The following RPS6KB2 variants were observed in gnomAD, a reference collection of about 807,000 sequenced individuals.
The protein encoded by RPS6KB2 is ribosomal protein S6 kinase beta-2.
Under a neutral mutation model 58.2 loss-of-function variants are expected in RPS6KB2, and 51 were observed. The observed-to-expected ratio is 0.88, with a 90% CI of 0.70 to 1.11. The LOEUF is 1.11. Among genes scored for constraint, RPS6KB2 ranks in the 50% least tolerant of loss-of-function variants. RPS6KB2 has a pLI of 0.00. For missense variants in RPS6KB2, 671 were observed against 655.8 expected, an observed-to-expected ratio of 1.02 and a Z score of -0.25; for synonymous variants, 293 against 258.6, an observed-to-expected ratio of 1.13 and a Z score of -1.28.
intron 10 of RPS6KB2, 44 bp downstream of exon 10, chr11:67,433,491 T>A (rs765564524): frequency 7.0e-7 from 1 of 1,434,482 alleles, no homozygotes; most frequent in South Asian, 1.1e-5. Context: ...CCAGCCATTC[T>A]GCACGTGTTC....
chr11:67,432,773 T>C lies in RPS6KB2; in HGVS notation c.552T>C (p.His184=), dbSNP rs1864076291. The change falls in exon 7 of 15, where the codon CAT becomes CAC. Residue 184 remains histidine (H), a synonymous_variant. Coordinates refer to ENST00000312629, the MANE Select transcript of RPS6KB2 (RefSeq NM_003952.3). ...CTGAGATCACGCTGGCCCTGGGCCA[T>C]CTCCACTCCCAGGGCATCATCTACC... The part of the protein sequence containing the change: ...YLAEITLALG[H]LHSQGIIYRD... The C allele has an allele frequency of 1.2e-6, 2 of 1,613,916 alleles. No homozygotes were observed. The highest frequency in any genetic ancestry group is 1.3e-5 in the African/African-American group (1 of 74,866).
chr11:67,431,589 G>A, intron 5 of RPS6KB2, 74 bp downstream of exon 5: 1 of 1,504,040 alleles, frequency 6.6e-7, no homozygotes, highest in Non-Finnish European at 9.1e-7. Flanking sequence ...AGCTCTGGGG[G>A]GAAGCTCTTG....
chr11:67,434,123 C>T, intron 11 of RPS6KB2, 66 bp downstream of exon 11: 1 of 1,611,722 alleles, frequency 6.2e-7, no homozygotes, highest in East Asian at 2.2e-5. Context: ...GGGGGCAGGG[C>T]CCCAGGGCAG....
chr11:67,435,125 G>C lies in RPS6KB2; in HGVS notation c.1405G>C (p.Gly469Arg). 2 of 1,603,250 alleles carry C rather than the reference G, an allele frequency of 1.2e-6. No homozygotes were observed. Among genetic ancestry groups the C allele is most frequent in the Non-Finnish European group, 1.7e-6 (2 of 1,177,852 alleles). ...CCCTCTCCCCATCCGTCCCCCCTCA[G>C]GGACCAAGAAGTCCAAGAGGGGCCG... is the stretch of plus-strand genomic sequence containing the variant. The part of the protein sequence containing the change: ...TAPLPIRPPS[G>R]TKKSKRGRGR... Residue 469 changes from glycine (G) to arginine (R), a missense_variant, in exon 15 of 15, where the codon GGG becomes CGG. Physicochemically the swap from Gly to Arg is moderately radical, Grantham distance 125. Transcript: ENST00000312629.
In RPS6KB2 at chr11:67,434,494, G is replaced by A; in HGVS notation, c.1155+10G>A. On this transcript the variant is annotated intron_variant, in intron 13 of 14. Coordinates refer to ENST00000312629, the MANE Select transcript of RPS6KB2 (RefSeq NM_003952.3). The stretch of plus-strand genomic sequence containing the variant: ...CAACCAGGCCTTCCTGGTGAGTGCG[G>A]GGGCCTGAGGCCTGTGGGACCAGGG... 2 of 1,607,896 alleles carry A rather than the reference G, an allele frequency of 1.2e-6. No individual in the cohort carries two copies. The highest frequency in any genetic ancestry group is 1.7e-6 in the Non-Finnish European group (2 of 1,176,818).
In RPS6KB2 at chr11:67,434,785, C is replaced by T. The variant is rs574642011; in HGVS notation, c.1268+91C>T. ...CCTTGGGTGCCTTGGCCACGTCTGT[C>T]GGCCAGTGTTGGCTTCGGTTGCTGT... On this transcript the variant is annotated intron_variant, in intron 14 of 14. Coordinates refer to ENST00000312629, the MANE Select transcript of RPS6KB2 (RefSeq NM_003952.3). 9.9e-5 allele frequency: 112 copies of T among 1,129,452 alleles called. 1 individual carries two copies. Among genetic ancestry groups the T allele is most frequent in the Non-Finnish European group, 1.3e-4 (101 of 776,530 alleles). 70.0% of individuals were successfully genotyped at this position (1,129,452 alleles called of 1,614,324 possible). A position where few individuals can be genotyped will look rare whatever the true frequency, so the allele number is the denominator to read the frequency against.
chr11:67,435,121 C>T lies in RPS6KB2; in HGVS notation c.1401C>T (p.Pro467=), dbSNP rs369583304. ...CCGCCCCTCTCCCCATCCGTCCCCC[C>T]TCAGGGACCAAGAAGTCCAAGAGGG... The part of the protein sequence containing the change: ...STTAPLPIRP[P]SGTKKSKRGR... The change falls in exon 15 of 15, where the codon CCC becomes CCT. Residue 467 remains proline, a synonymous_variant. Coordinates refer to ENST00000312629, the MANE Select transcript of RPS6KB2 (RefSeq NM_003952.3). The T allele has an allele frequency of 3.7e-6, 6 of 1,604,056 alleles. No individual in the cohort carries two copies. Among genetic ancestry groups the T allele is most frequent in the East Asian group, 2.2e-5 (1 of 44,618 alleles).
Position 67,429,141 on chromosome 11 carries a change from G to A in RPS6KB2, c.141G>A (p.Glu47=), listed in dbSNP as rs755684612. 6.2e-7 allele frequency: 1 copy of A among 1,614,022 alleles called. No individual in the cohort carries two copies. Among genetic ancestry groups the A allele is most frequent in the African/African-American group, 1.3e-5 (1 of 75,042 alleles). The part of the protein sequence containing the change: ...AGLEPVGHYE[E]VELTETSVNV... ...GTAGGCCTGTGGGACACTATGAAGA[G>A]GTGGAGCTGACTGAGACCAGCGTGA... Residue 47 remains glutamate (E), a synonymous_variant, in exon 3 of 15, where the codon GAG becomes GAA. Transcript: ENST00000312629.
rs375271576 is a variant in RPS6KB2, at chr11:67,433,174, G to C, written c.756G>C (p.Trp252Cys). 4 of 1,605,360 alleles carry C rather than the reference G, an allele frequency of 2.5e-6. No homozygotes were observed. In the African/African-American group the frequency reaches 5.3e-5, roughly 21 times the overall value. The change falls in exon 9 of 15, where the codon TGG (tryptophan) becomes TGC (cysteine). Residue 252 changes from tryptophan (W) to cysteine (C), a missense_variant. Coordinates refer to ENST00000312629, the MANE Select transcript of RPS6KB2 (RefSeq NM_003952.3). ...GTGGCCACAACCGGGCTGTGGACTG[G>C]TGGAGCCTGGGGGCCCTGATGTACG... ...VRSGHNRAVD[W>C]WSLGALMYDM...
At chr11:67,429,084 T>TG (rs1329537760) in intron 2 of RPS6KB2, 36 bp from the exon 3 acceptor site, 1 of 1,613,804 alleles carries the variant, frequency 6.2e-7, no homozygotes, top group Admixed American at 1.7e-5. Context: ...TGGGGAGCAC[T>TG]GGAGCCTTGT....
In RPS6KB2 at chr11:67,433,198, C is replaced by G. The variant is rs760027023; in HGVS notation, c.780C>G (p.Tyr260Ter). 13 of 1,606,132 alleles carry G rather than the reference C, an allele frequency of 8.1e-6. No individual in the cohort carries two copies. The Admixed American group carries it at 2.0e-4, about 25-fold the overall frequency. The stretch of plus-strand genomic sequence containing the variant: ...GGTGGAGCCTGGGGGCCCTGATGTA[C>G]GACATGCTCACTGGATCGGCAAGTC... ...VDWWSLGALM[Y>*]DMLTGSPPFT... Residue 260 changes from tyrosine (Y) to a stop codon, truncating the protein, a stop_gained, in exon 9 of 15, where the codon TAC (tyrosine) becomes TAG (stop). Coordinates refer to ENST00000312629, the MANE Select transcript of RPS6KB2 (RefSeq NM_003952.3). LOFTEE classifies it high-confidence loss of function.
At chr11:67,429,384 C>A in intron 3 of RPS6KB2, 143 bp from the exon 4 acceptor site, 1 of 1,379,598 alleles carries the variant, frequency 7.2e-7, no homozygotes, top group Non-Finnish European at 1.0e-6. Context: ...AGGCCAAATC[C>A]TCTCCAATCG....
At position 67,435,083 on chromosome 11, in the gene RPS6KB2, C is replaced by T; in HGVS notation, c.1363C>T (p.Pro455Ser). 1 of 1,610,610 alleles carries T rather than the reference C, an allele frequency of 6.2e-7. No homozygotes were observed. Among genetic ancestry groups the T allele is most frequent in the Non-Finnish European group, 8.5e-7 (1 of 1,179,454 alleles). ...LPLPPLLPPP[P>S]PSTTAPLPIR... ...TCTACCTCCACTCCTGCCACCGCCG[C>T]CGCCCTCGACCACCGCCCCTCTCCC... Residue 455 changes from proline (P) to serine (S), a missense_variant, in exon 15 of 15, where the codon CCG (proline) becomes TCG (serine). By Grantham distance (74) the Pro-to-Ser change is moderately conservative. Coordinates refer to ENST00000312629, the MANE Select transcript of RPS6KB2 (RefSeq NM_003952.3).
Position 67,433,007 on chromosome 11 carries a change from C to T in RPS6KB2, c.672C>T (p.Ala224=), listed in dbSNP as rs751492637. The T allele has an allele frequency of 2.5e-5, 41 of 1,613,304 alleles. No homozygotes were observed. The highest frequency in any genetic ancestry group is 1.6e-4 in the Middle Eastern group (1 of 6,084). The change falls in exon 8 of 15, where the codon GCC becomes GCT. Residue 224 remains alanine (A), a synonymous_variant. Transcript: ENST00000312629. ...GLCKESIHEG[A]VTHTFCGTIE... ...GCAAGGAGTCTATCCATGAGGGCGC[C>T]GTCACTCACACCTTCTGCGGCACCA...
intron 3 of RPS6KB2, 108 bp from the exon 4 acceptor site, chr11:67,429,419 C>T: frequency 1.5e-6 from 2 of 1,377,292 alleles, no homozygotes; most frequent in African/African-American, 1.4e-5. Context: ...ACTGCCCCAC[C>T]CTTGGCAGGG....
At chr11:67,434,339 G>A in intron 12 of RPS6KB2, 38 bp from the exon 13 acceptor site, 1 of 1,610,312 alleles carries the variant, frequency 6.2e-7, no homozygotes, top group East Asian at 2.2e-5. Context: ...CTGCATCTTG[G>A]TGCCCTCTGA....
In RPS6KB2 at chr11:67,433,451, C is replaced by T; in HGVS notation, c.906+4C>T. The T allele has an allele frequency of 6.3e-7, 1 of 1,596,392 alleles. No homozygotes were observed. ...TGCCCGGGACCTTGTCAAAAAGGTG[C>T]AGCTCCCTTCTCTCTTCTCCGGGGC... is the stretch of plus-strand genomic sequence containing the variant. On this transcript the variant is annotated splice_donor_region_variant and intron_variant, in intron 10 of 14. Coordinates refer to ENST00000312629, the MANE Select transcript of RPS6KB2 (RefSeq NM_003952.3).
At position 67,432,784 on chromosome 11, in the gene RPS6KB2, A is replaced by T; in HGVS notation, c.563A>T (p.Gln188Leu). 6.2e-7 allele frequency: 1 copy of T among 1,614,080 alleles called. No homozygotes were observed. Among genetic ancestry groups the T allele is most frequent in the Non-Finnish European group, 8.5e-7 (1 of 1,179,998 alleles). Reference protein sequence around the residue: ...ITLALGHLHSQGIIYRDLKPE... With the variant: ...ITLALGHLHSLGIIYRDLKPE... ...CTGGCCCTGGGCCATCTCCACTCCC[A>T]GGGCATCATCTACCGGGACCTCAAG... is the stretch of plus-strand genomic sequence containing the variant. The change falls in exon 7 of 15, where the codon CAG becomes CTG. Residue 188 changes from glutamine (Q) to leucine (L), a missense_variant. Gln to Leu is a moderately radical substitution (Grantham distance 113). Transcript: ENST00000312629.
At chr11:67,434,842 C>G in intron 14 of RPS6KB2, 147 bp from the exon 15 acceptor site, 2 of 1,011,246 alleles carry the variant, frequency 2.0e-6, no homozygotes, top group South Asian at 1.5e-5. Flanking sequence ...TCCTACACCC[C>G]TTGTGGCCAG....
Sources: allele counts gnomAD v4.1 joint callset, GRCh38; gene constraint gnomAD v4.1.1; transcripts MANE v1.5; gene names NCBI Gene and HGNC (gene_info 2026-07-23, HGNC 2026-07-21).